The following PHF21B variants were observed in gnomAD, a reference collection of about 807,000 sequenced individuals.
The protein encoded by PHF21B is PHD finger protein 21B.
A neutral mutation model predicts 62.2 loss-of-function variants in PHF21B; 22 were observed. That is an observed-to-expected ratio of 0.35 (90% confidence interval 0.25 to 0.51). PHF21B has a LOEUF of 0.51. PHF21B is among the 20% of genes least tolerant of loss of function. The pLI is 0.97. For synonymous variants in PHF21B, 341 were observed against 314.7 expected, an observed-to-expected ratio of 1.08 and a Z score of -0.88; for missense variants, 701 against 707.9, an observed-to-expected ratio of 0.99 and a Z score of 0.11.
intron 2 of PHF21B, among the ~76,000 whole-genome samples, chr22:44,992,388 C>G (rs2073055449): frequency 6.6e-6 from 1 of 152,224 alleles, no homozygotes; most frequent in African/African-American, 2.4e-5. Flanking sequence ...CAGAGTGAGC[C>G]ACTGAGACTG....
chr22:44,959,024 C>A (rs2072363376), intron 2 of PHF21B, among the ~76,000 whole-genome samples: 1 of 152,080 alleles, frequency 6.6e-6, no homozygotes, highest in African/African-American at 2.4e-5. Flanking sequence ...AGCGCCTGTT[C>A]TGATTCAGAT....
chr22:44,937,727 C>T lies in PHF21B; in HGVS notation c.121-17237G>A, dbSNP rs142706773. ...GGGCAAACCTACTGTGGGACCCCCA[C>T]GCCACGGGATGCCACTGAGAAACAC... On this transcript the variant is annotated intron_variant, in intron 2 of 12. Coordinates refer to ENST00000313237, the MANE Select transcript of PHF21B (RefSeq NM_138415.5). Among the ~76,000 whole-genome samples, 349 of 152,338 alleles carry T rather than the reference C, an allele frequency of 2.3e-3. 1 individual carries two copies. The highest frequency in any genetic ancestry group is 7.8e-3 in the African/African-American group (323 of 41,578).
At chr22:44,900,288 G>C (rs1165761581) in intron 5 of PHF21B, among the ~76,000 whole-genome samples, 1 of 152,072 alleles carries the variant, frequency 6.6e-6, no homozygotes, top group East Asian at 1.9e-4. Flanking sequence ...TCTCATAAAT[G>C]GCTCATGGAA....
chr22:44,948,190 T>C (rs1036135441), intron 2 of PHF21B, among the ~76,000 whole-genome samples: 1 of 152,224 alleles, frequency 6.6e-6, no homozygotes, highest in African/African-American at 2.4e-5. Flanking sequence ...AGTTTATTTC[T>C]GTTATTATTA....
At position 44,916,627 on chromosome 22, in the gene PHF21B, T is replaced by G; in HGVS notation, c.217A>C (p.Arg73=). ...CTGTCTGGAATCAGAGTCTTTGGCC[T>G]AACCTGGGAAGAAGGGACAGGTATG... ...GQGAAVLPQV[R]PKTLIPDSLP... The change falls in exon 4 of 13, where the codon AGG becomes CGG. Residue 73 remains arginine, a synonymous_variant. Transcript: ENST00000313237. 6.2e-7 allele frequency: 1 copy of G among 1,600,786 alleles called. No individual in the cohort carries two copies.
chr22:44,918,133 C>T (rs564746533), intron 3 of PHF21B, among the ~76,000 whole-genome samples: 2 of 152,374 alleles, frequency 1.3e-5, no homozygotes, highest in East Asian at 3.9e-4. Flanking sequence ...TCCATCTTCT[C>T]GTTCCTGCCG....
chr22:44,946,995 T>C (rs533424807), intron 2 of PHF21B, among the ~76,000 whole-genome samples: 77 of 152,322 alleles, frequency 5.1e-4, no homozygotes, highest in Admixed American at 3.3e-4. Context: ...CTGCGGCCAA[T>C]TGGCATCACT....
intron 2 of PHF21B, among the ~76,000 whole-genome samples, chr22:45,007,805 C>A (rs1220835110): frequency 2.0e-5 from 3 of 150,244 alleles, no homozygotes; most frequent in Admixed American, 6.6e-5. Flanking sequence ...GCGCGGCCGG[C>A]CGGGCTCTGG....
intron 2 of PHF21B, among the ~76,000 whole-genome samples, chr22:44,979,698 A>C (rs573283695): frequency 6.6e-6 from 1 of 152,286 alleles, no homozygotes; most frequent in Non-Finnish European, 1.5e-5. Flanking sequence ...CAGACACTTT[A>C]AGCTGTGCCC....
At chr22:44,944,040 C>T (rs879808473) in intron 2 of PHF21B, among the ~76,000 whole-genome samples, 6 of 152,162 alleles carry the variant, frequency 3.9e-5, no homozygotes, top group African/African-American at 4.8e-5. Context: ...TGGCTTCAAC[C>T]CAGCTCCCTC....
chr22:44,885,460 TC>T lies in PHF21B; in HGVS notation c.1342del (p.Glu448ArgfsTer17). The T allele has an allele frequency of 6.3e-7, 1 of 1,594,982 alleles. No individual in the cohort carries two copies. Among genetic ancestry groups the T allele is most frequent in the Non-Finnish European group, 8.5e-7 (1 of 1,171,492 alleles). ...TGACGCCAGCCGCCGGTCCCGCTCC[TC>T]CAGCTGCTGGTGCTCGTTCTGCAGC... ...SELQNEHQQL[E>X]ERDRRLASAV... On this transcript the variant is annotated frameshift_variant, in exon 12 of 13. Transcript: ENST00000313237. LOFTEE classifies it high-confidence loss of function.
In PHF21B at chr22:44,896,883, T is replaced by TTTTTTTGTTTTG. The variant is rs1555933176; in HGVS notation, c.832-801_832-800insCAAAACAAAAAA. 7.9e-4 allele frequency among the ~76,000 whole-genome samples: 105 copies of TTTTTTTGTTTTG among 132,346 alleles called. 6 individuals carry two copies. Among genetic ancestry groups the TTTTTTTGTTTTG allele is most frequent in the East Asian group, 2.2e-3 (10 of 4,460 alleles). 86.8% of individuals were successfully genotyped at this position (132,346 alleles called of 152,430 possible). ...AGGGTGGCACTTAGTTTTATCTGTT[T>TTTTTTTGTTTTG]TTTTTTTTTTTTTGAGACAGGTTCT... On this transcript the variant is annotated intron_variant, in intron 5 of 12. Transcript: ENST00000313237.
intron 5 of PHF21B, among the ~76,000 whole-genome samples, chr22:44,900,075 C>T (rs1169255373): frequency 6.6e-6 from 1 of 152,174 alleles, no homozygotes; most frequent in Admixed American, 6.5e-5. Context: ...CATCTGAGAA[C>T]TCTTTCCACT....
chr22:44,941,772 G>A (rs1170491515), intron 2 of PHF21B, among the ~76,000 whole-genome samples: 1 of 152,170 alleles, frequency 6.6e-6, no homozygotes, highest in African/African-American at 2.4e-5. Context: ...ACCTGCTCAT[G>A]GTGACCAGCC....
At chr22:44,939,305 T>C (rs1268465722) in intron 2 of PHF21B, among the ~76,000 whole-genome samples, 1 of 152,058 alleles carries the variant, frequency 6.6e-6, no homozygotes, top group African/African-American at 2.4e-5. Context: ...GTTAGGTAAG[T>C]GGAGAAGGAG....
chr22:44,965,792 G>A (rs781199192), intron 2 of PHF21B, among the ~76,000 whole-genome samples: 5 of 152,292 alleles, frequency 3.3e-5, no homozygotes, highest in African/African-American at 1.2e-4. Flanking sequence ...GCAATGGGGC[G>A]GACGGGGCCA....
intron 2 of PHF21B, chr22:45,003,557 T>C (rs1750333865): frequency 6.6e-6 from 1 of 152,312 alleles, no homozygotes; most frequent in Admixed American, 6.5e-5. Flanking sequence ...GGCAGGGCCA[T>C]CCCTGTGGCT....
In PHF21B at chr22:44,914,058, G is replaced by T. The variant is rs1313676928; in HGVS notation, c.595C>A (p.Pro199Thr). 7 of 1,307,526 alleles carry T rather than the reference G, an allele frequency of 5.4e-6. No homozygotes were observed. Among genetic ancestry groups the T allele is most frequent in the Non-Finnish European group, 7.6e-6 (7 of 923,980 alleles). 81.0% of individuals were successfully genotyped at this position (1,307,526 alleles called of 1,614,324 possible). The change falls in exon 5 of 13, where the codon CCC becomes ACC. Residue 199 changes from proline to threonine, a missense_variant. Coordinates refer to ENST00000313237, the MANE Select transcript of PHF21B (RefSeq NM_138415.5). The stretch of plus-strand genomic sequence containing the variant: ...TGGAGGGGACAGTGATGGGTTGCGG[G>T]GTGAGGGGAAGAGAGGAGGCGTGGA... The part of the protein sequence containing the change: ...PPPRLLSSPH[P>T]ATHHCPLHPS...
intron 5 of PHF21B, among the ~76,000 whole-genome samples, chr22:44,898,337 C>A (rs924073345): frequency 1.3e-5 from 2 of 152,108 alleles, no homozygotes; most frequent in Non-Finnish European, 2.9e-5. Context: ...AGGTAACACA[C>A]CTTCTCATCA....
Sources: gnomAD v4.1 joint callset for allele counts (sites outside exome capture counted in the v4.1 genomes callset) on GRCh38, gnomAD v4.1.1 for gene constraint, MANE v1.5 for transcripts, NCBI Gene and HGNC (gene_info 2026-07-23, HGNC 2026-07-21) for gene names.